The following RIPOR2 variants were observed in gnomAD, a reference collection of about 807,000 sequenced individuals.
The protein encoded by RIPOR2 is rho family-interacting cell polarization regulator 2.
RIPOR2 carries 39 observed loss-of-function variants against 114.5 expected under a neutral mutation model. The ratio of observed to expected loss-of-function variants is 0.34; its 90% CI spans 0.26 to 0.44. The LOEUF is 0.44. RIPOR2 is among the 20% of genes least tolerant of loss of function. The probability of loss-of-function intolerance (pLI) is 1.00; values close to 1 mark genes in which losing one functional copy is unlikely to be tolerated. For missense variants in RIPOR2, 1,007 were observed against 1,255.1 expected (o/e 0.80, Z 2.99); for synonymous variants, 445 against 484.4 (o/e 0.92, Z 1.07).
chr6:24,818,330 T>C (rs1300388625), intron 20 of RIPOR2, among the ~76,000 whole-genome samples: 1 of 152,196 alleles, frequency 6.6e-6, no homozygotes, highest in Non-Finnish European at 1.5e-5. Context: ...CAAAACATGA[T>C]TGCTTTCTGC....
chr6:25,003,454 G>A (rs781558059), intron 1 of RIPOR2, among the ~76,000 whole-genome samples: 13 of 149,580 alleles, frequency 8.7e-5, no homozygotes, highest in African/African-American at 3.0e-4. Context: ...TTCGAGACAG[G>A]ATCTCATTCT....
rs536377831 is a variant in RIPOR2, at chr6:24,975,676, T to C, written c.76+66175A>G. Reference sequence around the variant, plus strand: ...ATAAAATAATGGTAATAATAATGCATAGTATACTTGAAATTTGATAAGAGA... The same window carrying C: ...ATAAAATAATGGTAATAATAATGCACAGTATACTTGAAATTTGATAAGAGA... On this transcript the variant is annotated intron_variant, in intron 1 of 13. Coordinates refer to the RIPOR2 transcript ENST00000510784. 3.3e-5 allele frequency among the ~76,000 whole-genome samples: 5 copies of C among 152,248 alleles called. No homozygotes were observed. In the South Asian group the frequency reaches 1.0e-3, roughly 32 times the overall value.
chr6:24,921,444 G>A (rs960257544), intron 1 of RIPOR2, among the ~76,000 whole-genome samples: 3 of 151,826 alleles, frequency 2.0e-5, no homozygotes, highest in Non-Finnish European at 4.4e-5. Flanking sequence ...CATTACAGGC[G>A]TGAGCCACCA....
At chr6:24,847,472 G>T in intron 12 of RIPOR2, 1 of 1,463,146 alleles carries the variant, frequency 6.8e-7, no homozygotes, top group South Asian at 1.2e-5. Context: ...TAAAACAAGA[G>T]ACATGCTAAG....
At chr6:24,856,909 C>G (rs555805818) in intron 8 of RIPOR2, among the ~76,000 whole-genome samples, 3 of 150,806 alleles carry the variant, frequency 2.0e-5, no homozygotes, top group Admixed American at 1.3e-4. Flanking sequence ...TTTTTCCCCC[C>G]CCTTTAAAAT....
chr6:24,987,968 T>A (rs996845442), intron 1 of RIPOR2, among the ~76,000 whole-genome samples: 1 of 152,182 alleles, frequency 6.6e-6, no homozygotes, highest in Non-Finnish European at 1.5e-5. Flanking sequence ...GCTCTAAAAT[T>A]GTTTTAGAAG....
At chr6:24,934,041 C>T (rs566470919) in intron 1 of RIPOR2, among the ~76,000 whole-genome samples, 9 of 152,234 alleles carry the variant, frequency 5.9e-5, no homozygotes, top group South Asian at 2.1e-4. Context: ...CTATAGAGGG[C>T]GCTCTTAAGT....
At chr6:24,902,123 G>A (rs1768520347) in intron 1 of RIPOR2, among the ~76,000 whole-genome samples, 1 of 152,212 alleles carries the variant, frequency 6.6e-6, no homozygotes. Context: ...ACTGGCTGGA[G>A]GAAGTAAGGG....
chr6:24,840,370 C>T, intron 13 of RIPOR2: 1 of 1,140,526 alleles, frequency 8.8e-7, no homozygotes, highest in Non-Finnish European at 1.1e-6. Flanking sequence ...CCTGACCAGG[C>T]CCTGGCATCA....
chr6:25,037,526 C>T lies in RIPOR2; in HGVS notation c.76+4325G>A, dbSNP rs1777299225. Among the ~76,000 whole-genome samples the T allele has an allele frequency of 2.0e-5, 3 of 152,132 alleles. No individual in the cohort carries two copies. The highest frequency in any genetic ancestry group is 2.1e-4 in the South Asian group (1 of 4,830). On this transcript the variant is annotated intron_variant, in intron 1 of 13. Coordinates refer to the RIPOR2 transcript ENST00000510784. The surrounding 1 kb of genome is among the most constrained non-coding windows in gnomAD (Gnocchi z 4.5). ...CAGGACACCAGATAGGTCCTTCTCC[C>T]GAATGTCTGCTCAGTATCACACATG...
intron 21 of RIPOR2, among the ~76,000 whole-genome samples, 184 bp from the exon 22 acceptor site, chr6:24,806,657 A>C (rs1056548618): frequency 6.6e-6 from 1 of 152,228 alleles, no homozygotes; most frequent in Non-Finnish European, 1.5e-5. Context: ...TGCTTAGAAC[A>C]ACCAAGAACT....
chr6:25,024,478 T>A (rs1776505780), intron 1 of RIPOR2: 1 of 851,476 alleles, frequency 1.2e-6, no homozygotes, highest in East Asian at 2.6e-5. Flanking sequence ...GAGCCTTTGC[T>A]GGACATAGTG....
rs1472643802 is a variant in RIPOR2, at chr6:25,031,727, ATATATATATATATATATATATAT to A, written c.76+10101_76+10123del. Among the ~76,000 whole-genome samples, 24 of 114,562 alleles carry A rather than the reference ATATATATATATATATATATATAT, an allele frequency of 2.1e-4. 1 individual carries two copies. The East Asian group carries it at 5.3e-3, about 25-fold the overall frequency. 75.2% of individuals were successfully genotyped at this position (114,562 alleles called of 152,430 possible). On this transcript the variant is annotated intron_variant, in intron 1 of 13. Transcript: ENST00000510784. ...TATATATATATATATATATATATAT[ATATATATATATATATATATATAT>A]AAAATATCCATAGAATATATATATA... is the stretch of plus-strand genomic sequence containing the variant.
chr6:24,953,667 A>T (rs1437394270), intron 1 of RIPOR2, among the ~76,000 whole-genome samples: 1 of 152,184 alleles, frequency 6.6e-6, no homozygotes, highest in East Asian at 1.9e-4. Context: ...TTCATTTGAG[A>T]AGTACCTTCC....
At position 24,992,900 on chromosome 6, in the gene RIPOR2, G is replaced by A. The variant is rs192156714; in HGVS notation, c.76+48951C>T. ...TAAAACCTCATGATTTTAAAACAAC[G>A]ACAGCAATTCAAACTTAAATATCCT... On this transcript the variant is annotated intron_variant, in intron 1 of 13. Coordinates refer to the RIPOR2 transcript ENST00000510784. Among the ~76,000 whole-genome samples, 541 of 152,236 alleles carry A rather than the reference G, an allele frequency of 3.6e-3. 1 individual carries two copies. Among genetic ancestry groups the A allele is most frequent in the Middle Eastern group, 0.01 (3 of 294 alleles).
chr6:24,925,057 G>A (rs1466388512), intron 1 of RIPOR2, among the ~76,000 whole-genome samples: 1 of 152,194 alleles, frequency 6.6e-6, no homozygotes, highest in East Asian at 1.9e-4. Flanking sequence ...TTCTAGGTTA[G>A]TGATCCCTAT....
chr6:25,027,318 C>G (rs9358825), intron 1 of RIPOR2, among the ~76,000 whole-genome samples: 30,306 of 152,010 alleles, frequency 0.2, 3,738 homozygotes, highest in East Asian at 0.59. Flanking sequence ...CAGGACTGCA[C>G]AGCCACCCAG....
chr6:25,028,392 C>T (rs953984504), intron 1 of RIPOR2, among the ~76,000 whole-genome samples: 4 of 152,150 alleles, frequency 2.6e-5, no homozygotes, highest in African/African-American at 7.2e-5. Context: ...GTCCTAGTTC[C>T]AGCAGTGAAA....
chr6:24,854,576 G>T (rs1324401209), intron 8 of RIPOR2, among the ~76,000 whole-genome samples: 1 of 152,186 alleles, frequency 6.6e-6, no homozygotes, highest in Non-Finnish European at 1.5e-5. Context: ...TTGTTTTCCT[G>T]CCAATCACAA....
Sources: gnomAD v4.1 joint callset for allele counts (sites outside exome capture counted in the v4.1 genomes callset) on GRCh38, gnomAD v4.1.1 for gene constraint, Gnocchi (gnomAD v3.1) non-coding constraint, MANE v1.5 for transcripts, NCBI Gene and HGNC (gene_info 2026-07-23, HGNC 2026-07-21) for gene names.